ABHD12B: variants seen among roughly 807,000 people sequenced by gnomAD.
ABHD12B encodes the protein abhydrolase domain containing 12B.
In ABHD12B, 42 loss-of-function variants were observed where a neutral mutation model predicts 50.4. The observed-to-expected ratio is 0.83, with a 90% CI of 0.65 to 1.08. The LOEUF is 1.08. ABHD12B is among the 50% of genes least tolerant of loss of function. ABHD12B has a pLI of 0.00. For missense variants in ABHD12B, 479 were observed against 447.7 expected, an observed-to-expected ratio of 1.07 and a Z score of -0.63; for synonymous variants, 167 against 160.3, an observed-to-expected ratio of 1.04 and a Z score of -0.32.
intron 9 of ABHD12B, chr14:50,895,817 G>A (rs1236774323): frequency 2.0e-5 from 3 of 152,102 alleles, no homozygotes; most frequent in Non-Finnish European, 2.9e-5. Context: ...TAACTGTTGT[G>A]GGTATTGACG....
chr14:50,885,784 G>T lies in ABHD12B; in HGVS notation c.551G>T (p.Gly184Val), dbSNP rs755203878. 1.2e-6 allele frequency: 2 copies of T among 1,614,046 alleles called. No individual in the cohort carries two copies. Among genetic ancestry groups the T allele is most frequent in the Admixed American group, 1.7e-5 (1 of 60,002 alleles). ...CTGCCAGGATTTGGGGACTCTACAG[G>T]TAAGCCCACAGAGGAGGGACTGACT... The part of the protein sequence containing the change: ...VDYRGFGDST[G>V]KPTEEGLTTD... Residue 184 changes from glycine to valine, a missense_variant, in exon 7 of 13, where the codon GGT becomes GTT. Physicochemically the swap from Gly to Val is moderately radical, Grantham distance 109. Coordinates refer to ENST00000337334, the MANE Select transcript of ABHD12B (RefSeq NM_001206673.2).
At chr14:50,887,008 G>A (rs2050049360) in intron 8 of ABHD12B, among the ~76,000 whole-genome samples, 1 of 152,000 alleles carries the variant, frequency 6.6e-6, no homozygotes, top group Non-Finnish European at 1.5e-5. Flanking sequence ...GAGGTCAGGA[G>A]TTCGAGACCA....
At chr14:50,877,911 A>T in intron 1 of ABHD12B, 41 bp from the exon 2 acceptor site, 1 of 1,469,024 alleles carries the variant, frequency 6.8e-7, no homozygotes. Context: ...AGACAAATGG[A>T]TTAATTTCGA....
intron 1 of ABHD12B, among the ~76,000 whole-genome samples, chr14:50,872,541 G>A (rs1309716916): frequency 6.6e-6 from 1 of 152,178 alleles, no homozygotes; most frequent in Non-Finnish European, 1.5e-5. Context: ...TAACTTTTGG[G>A]GGCTTCTGAA....
At chr14:50,903,603 C>G in intron 11 of ABHD12B, 136 bp downstream of exon 11, 1 of 614,396 alleles carries the variant, frequency 1.6e-6, no homozygotes, top group Non-Finnish European at 2.7e-6. Context: ...TAAATAGCCT[C>G]TATAGGTTTA....
At chr14:50,893,798 A>C (rs1231522623) in intron 9 of ABHD12B, 1 of 156,532 alleles carries the variant, frequency 6.4e-6, no homozygotes. Context: ...AACCTCCCTC[A>C]CTATCCCTCA....
At chr14:50,896,011 T>C (rs1186444986) in intron 9 of ABHD12B, among the ~76,000 whole-genome samples, 5 of 151,418 alleles carry the variant, frequency 3.3e-5, no homozygotes, top group African/African-American at 9.8e-5. Flanking sequence ...GCCGCCCTTC[T>C]TCCCAATCCA....
intron 9 of ABHD12B, among the ~76,000 whole-genome samples, chr14:50,889,377 C>T (rs971295503): frequency 1.3e-5 from 2 of 152,224 alleles, no homozygotes; most frequent in African/African-American, 2.4e-5. Flanking sequence ...TGGTGGCTCC[C>T]ACCTATAATC....
In ABHD12B at chr14:50,885,630, G is replaced by T. The variant is rs2050024710; in HGVS notation, c.503G>T (p.Gly168Val). 1 of 1,614,044 alleles carries T rather than the reference G, an allele frequency of 6.2e-7. No homozygotes were observed. Among genetic ancestry groups the T allele is most frequent in the Non-Finnish European group, 8.5e-7 (1 of 1,180,038 alleles). The change falls in exon 6 of 13, where the codon GGC becomes GTC. Residue 168 changes from glycine to valine, a missense_variant. Coordinates refer to ENST00000337334, the MANE Select transcript of ABHD12B (RefSeq NM_001206673.2). ...LKLVKVLSDG[G>V]FHVLSVDYRG... ...GTTACCTAGGTGCTGAGTGATGGTGGCTTTCATGTCTTGTCTGTTGACTAC... is the reference window on the plus strand; with the variant it reads ...GTTACCTAGGTGCTGAGTGATGGTGTCTTTCATGTCTTGTCTGTTGACTAC...
chr14:50,904,392 T>C lies in ABHD12B; in HGVS notation c.*26T>C. 1.2e-6 allele frequency: 2 copies of C among 1,613,796 alleles called. No individual in the cohort carries two copies. Among genetic ancestry groups the C allele is most frequent in the Non-Finnish European group, 1.7e-6 (2 of 1,179,852 alleles). On this transcript the variant is annotated 3_prime_UTR_variant, in exon 13 of 13. Transcript: ENST00000337334. ...GTCTGGGAGGAGTGGAAATCTTCAA[T>C]GAAGACTTGGCCCAAACACCACCTG...
intron 9 of ABHD12B, among the ~76,000 whole-genome samples, chr14:50,894,345 G>A (rs1037607532): frequency 8.6e-5 from 13 of 151,288 alleles, no homozygotes; most frequent in Admixed American, 2.0e-4. Flanking sequence ...CCTTATTTCC[G>A]TGCCCCAACC....
In ABHD12B at chr14:50,879,056, G is replaced by A. The variant is rs117387775; in HGVS notation, c.335+209G>A. On this transcript the variant is annotated intron_variant, in intron 3 of 12. Coordinates refer to ENST00000337334, the MANE Select transcript of ABHD12B (RefSeq NM_001206673.2). Reference sequence around the variant, plus strand: ...GTATAGACATTTAGGTGTTGCCCTTGGCTTCTGGCCTCACCCATCCCTTCT... The same window carrying A: ...GTATAGACATTTAGGTGTTGCCCTTAGCTTCTGGCCTCACCCATCCCTTCT... 2.6e-4 allele frequency among the ~76,000 whole-genome samples: 40 copies of A among 152,232 alleles called. 1 individual carries two copies. In the East Asian group the frequency reaches 6.6e-3, roughly 25 times the overall value.
intron 9 of ABHD12B, chr14:50,892,447 T>C (rs986410438): frequency 1.3e-4 from 130 of 985,288 alleles, no homozygotes; most frequent in Non-Finnish European, 1.4e-4. Flanking sequence ...AAGGGCCTGT[T>C]GTTTCTGCCC....
chr14:50,885,558 A>C (rs1488627092), intron 5 of ABHD12B, 56 bp from the exon 6 acceptor site: 1 of 1,603,562 alleles, frequency 6.2e-7, no homozygotes, highest in African/African-American at 1.3e-5. Context: ...AGGGAGGAGA[A>C]GCCTTTTCTG....
chr14:50,896,333 G>T (rs910978987), intron 9 of ABHD12B, among the ~76,000 whole-genome samples: 8 of 151,750 alleles, frequency 5.3e-5, no homozygotes, highest in Non-Finnish European at 1.0e-4. Context: ...AATTTTCACC[G>T]CTCCAACACT....
At chr14:50,900,302 A>C (rs1164876019) in intron 9 of ABHD12B, among the ~76,000 whole-genome samples, 1 of 152,250 alleles carries the variant, frequency 6.6e-6, no homozygotes, top group South Asian at 2.1e-4. Flanking sequence ...AATGAAAATG[A>C]CAGATAATAA....
rs754209680 is a variant in ABHD12B, at chr14:50,904,086, G to T, written c.955G>T (p.Ala319Ser). ...CTGTCGCTTGCAGCTCTATGAAATT[G>T]CACGCAATGCATACAGGAACAAAGA... ...LEYGKKLYEI[A>S]RNAYRNKERV... Residue 319 changes from alanine (A) to serine (S), a missense_variant, in exon 12 of 13, where the codon GCA (alanine) becomes TCA (serine). Transcript: ENST00000337334. 39 of 1,613,020 alleles carry T rather than the reference G, an allele frequency of 2.4e-5. No individual in the cohort carries two copies. The highest frequency in any genetic ancestry group is 3.1e-5 in the Non-Finnish European group (36 of 1,179,518).
Position 50,878,753 on chromosome 14 carries a change from C to G in ABHD12B, c.241C>G (p.Pro81Ala). 6.2e-7 allele frequency: 1 copy of G among 1,612,966 alleles called. No individual in the cohort carries two copies. Among genetic ancestry groups the G allele is most frequent in the Non-Finnish European group, 8.5e-7 (1 of 1,178,982 alleles). Reference sequence around the variant, plus strand: ...TGATTTTTACTTTCCAGTCAAAGCCCCATTTCTTGTGGATTTAAAGAAACC... The same window carrying G: ...TGATTTTTACTTTCCAGTCAAAGCCGCATTTCTTGTGGATTTAAAGAAACC... Reference protein sequence around the residue: ...MLIYFNFFKAPFLVDLKKPEL... With the variant: ...MLIYFNFFKAAFLVDLKKPEL... The change falls in exon 3 of 13, where the codon CCA becomes GCA. Residue 81 changes from proline (P) to alanine (A), a missense_variant. By Grantham distance (27) the Pro-to-Ala change is conservative. Transcript: ENST00000337334.
chr14:50,898,523 A>T (rs1366683757), intron 9 of ABHD12B, among the ~76,000 whole-genome samples: 1 of 152,108 alleles, frequency 6.6e-6, no homozygotes, highest in East Asian at 1.9e-4. Context: ...CAATTAGGAG[A>T]GCCCATTGCC....
Sources: allele counts gnomAD v4.1 joint callset (sites outside exome capture counted in the v4.1 genomes callset), GRCh38; gene constraint gnomAD v4.1.1; transcripts MANE v1.5; gene names NCBI Gene and HGNC (gene_info 2026-07-23, HGNC 2026-07-21).